Variants in FLT3LG observed in about 807,000 individuals in gnomAD.
The protein encoded by FLT3LG is fms-related tyrosine kinase 3 ligand.
A neutral mutation model predicts 30.9 loss-of-function variants in FLT3LG; 8 were observed. That is an observed-to-expected ratio of 0.26 (90% CI 0.15 to 0.47). The LOEUF is 0.47. Among genes scored for constraint, FLT3LG ranks in the 20% least tolerant of loss-of-function variants. The pLI is 0.99. For missense variants in FLT3LG, 278 were observed against 306.2 expected, an observed-to-expected ratio of 0.91 and a Z score of 0.69; for synonymous variants, 123 against 135.9, an observed-to-expected ratio of 0.91 and a Z score of 0.66.
At chr19:49,484,600 G>A (rs1307853170) in intron 8 of FLT3LG, among the ~76,000 whole-genome samples, 2 of 151,868 alleles carry the variant, frequency 1.3e-5, no homozygotes, top group East Asian at 3.9e-4. Flanking sequence ...GGGTTCAAGC[G>A]ATTCTACTGC....
At position 49,476,326 on chromosome 19, in the gene FLT3LG, C is replaced by A; in HGVS notation, c.199-97C>A. 6.8e-7 allele frequency: 1 copy of A among 1,477,024 alleles called. No homozygotes were observed. The highest frequency in any genetic ancestry group is 9.4e-7 in the Non-Finnish European group (1 of 1,066,256). The allele number at this position is 1,477,024 out of a possible 1,614,324, so 91.5% of individuals were successfully genotyped here. On this transcript the variant is annotated intron_variant, in intron 4 of 8. Transcript: ENST00000597551. This position sits in a 1 kb window ranked among gnomAD's most constrained non-coding sequence, Gnocchi z 5.3. ...GGAATCAGAGTCCTCAGCCCCTCCT[C>A]CCTCAGACCCAGGAGCCCCGGCCCA...
At chr19:49,480,797 C>T (rs996673662) in intron 8 of FLT3LG, 177 bp downstream of exon 8, 23 of 629,256 alleles carry the variant, frequency 3.7e-5, no homozygotes, top group Non-Finnish European at 4.9e-5. Flanking sequence ...TTTGGGAGGC[C>T]GAGGCGGGTG....
chr19:49,483,405 G>A (rs535720277), intron 8 of FLT3LG, among the ~76,000 whole-genome samples: 29 of 152,070 alleles, frequency 1.9e-4, no homozygotes, highest in Non-Finnish European at 3.4e-4. Flanking sequence ...GTAAGCCACC[G>A]CGCCCAGCCC....
In FLT3LG at chr19:49,480,315, C is replaced by A. The variant is rs2079556976; in HGVS notation, c.499C>A (p.Pro167Thr). 6.2e-7 allele frequency: 1 copy of A among 1,603,636 alleles called. No homozygotes were observed. Among genetic ancestry groups the A allele is most frequent in the Non-Finnish European group, 8.5e-7 (1 of 1,173,620 alleles). Residue 167 changes from proline to threonine, a missense_variant, in exon 7 of 9, where the codon CCC (proline) becomes ACC (threonine). Transcript: ENST00000597551. ...QCQPDSSTLP[P>T]PWSPRPLEAT... Reference sequence around the variant, plus strand: ...CTCCCCAGACTCCTCAACCCTGCCACCCCCATGGAGTCCCCGGCCCCTGGA... The same window carrying A: ...CTCCCCAGACTCCTCAACCCTGCCAACCCCATGGAGTCCCCGGCCCCTGGA...
At chr19:49,475,923 CG>C in intron 3 of FLT3LG, 122 bp downstream of exon 3, 1 of 1,056,518 alleles carries the variant, frequency 9.5e-7, no homozygotes, top group East Asian at 2.4e-5. Context: ...TGGGCTCAAG[CG>C]ATCCTCCCAC....
chr19:49,476,828 A>G lies in FLT3LG; in HGVS notation c.342+262A>G. On this transcript the variant is annotated intron_variant, in intron 5 of 8. Coordinates refer to ENST00000597551, the MANE Select transcript of FLT3LG (RefSeq NM_001459.4). The surrounding 1 kb of genome is among the most constrained non-coding windows in gnomAD (Gnocchi z 5.3). Reference sequence around the variant, plus strand: ...TGCCACTGAGGGGTTCTTCCCCCAAAAAAAAACAGGGAGAGAAGGGGTCTC... The same window carrying G: ...TGCCACTGAGGGGTTCTTCCCCCAAGAAAAAACAGGGAGAGAAGGGGTCTC... 2.3e-6 allele frequency: 1 copy of G among 436,682 alleles called. No individual in the cohort carries two copies. The allele number at this position is 436,682 out of a possible 1,614,324, so 27.1% of individuals were successfully genotyped here.
At chr19:49,485,817 G>A (rs1349180732) in intron 8 of FLT3LG, 198 bp from the exon 9 acceptor site, 1 of 152,190 alleles carries the variant, frequency 6.6e-6, no homozygotes, top group East Asian at 1.9e-4. Context: ...CGCGCCCGGG[G>A]AAATATAGGG....
chr19:49,484,897 C>G (rs1030698181), intron 8 of FLT3LG, among the ~76,000 whole-genome samples: 10 of 152,020 alleles, frequency 6.6e-5, no homozygotes, highest in Non-Finnish European at 1.5e-4. Flanking sequence ...CCAGCTTGGG[C>G]AACATGGTGA....
At chr19:49,482,818 A>C (rs999848998) in intron 8 of FLT3LG, among the ~76,000 whole-genome samples, 1 of 150,898 alleles carries the variant, frequency 6.6e-6, no homozygotes, top group Non-Finnish European at 1.5e-5. Context: ...TAGTAGAGAC[A>C]AGGTTTCACC....
intron 6 of FLT3LG, among the ~76,000 whole-genome samples, chr19:49,479,414 C>T (rs1203044513): frequency 6.6e-6 from 1 of 150,942 alleles, no homozygotes; most frequent in Non-Finnish European, 1.5e-5. Flanking sequence ...CCAGGATGGT[C>T]TCGATCTCCT....
In FLT3LG at chr19:49,476,685, C is replaced by T. The variant is rs748551826; in HGVS notation, c.342+119C>T. The T allele has an allele frequency of 2.1e-5, 28 of 1,317,388 alleles. No homozygotes were observed. Among genetic ancestry groups the T allele is most frequent in the Admixed American group, 4.3e-5 (2 of 46,542 alleles). 81.6% of individuals were successfully genotyped at this position (1,317,388 alleles called of 1,614,324 possible). A position where few individuals can be genotyped will look rare whatever the true frequency, so the allele number is the denominator to read the frequency against. On this transcript the variant is annotated intron_variant, in intron 5 of 8. Transcript: ENST00000597551. The surrounding 1 kb of genome is among the most constrained non-coding windows in gnomAD (Gnocchi z 5.3). The stretch of plus-strand genomic sequence containing the variant: ...CCATAGCCACCCAACGAAGGTAGAG[C>T]GAGAAGCGCCACCCTGCAGAGCCCT...
chr19:49,478,902 C>T lies in FLT3LG; in HGVS notation c.343-7C>T. On this transcript the variant is annotated splice_region_variant and splice_polypyrimidine_tract_variant and intron_variant, in intron 5 of 8. Coordinates refer to ENST00000597551, the MANE Select transcript of FLT3LG (RefSeq NM_001459.4). ...GTGGTGGTGACGTCTCCCTCCCCTG[C>T]TCCCAGCCCCCCCCCAGCTGTCTTC... 2.6e-6 allele frequency: 4 copies of T among 1,522,742 alleles called. No homozygotes were observed. Among genetic ancestry groups the T allele is most frequent in the Middle Eastern group, 2.0e-4 (1 of 5,054 alleles). 94.3% of individuals were successfully genotyped at this position (1,522,742 alleles called of 1,614,324 possible). A position where few individuals can be genotyped will look rare whatever the true frequency, so the allele number is the denominator to read the frequency against.
chr19:49,483,250 C>T (rs545160888), intron 8 of FLT3LG, among the ~76,000 whole-genome samples: 24 of 151,972 alleles, frequency 1.6e-4, no homozygotes, highest in African/African-American at 5.5e-4. Context: ...CTCAGCCTCC[C>T]GAGTACCTGG....
chr19:49,476,397 T>G lies in FLT3LG; in HGVS notation c.199-26T>G. ...AGCAGCCCCGTGCCCAGCTCCTCCC[T>G]CAGACCCGTGGGTTCTCCCCTCTAG... On this transcript the variant is annotated intron_variant, in intron 4 of 8. Coordinates refer to ENST00000597551, the MANE Select transcript of FLT3LG (RefSeq NM_001459.4). This position sits in a 1 kb window ranked among gnomAD's most constrained non-coding sequence, Gnocchi z 5.3. The G allele has an allele frequency of 6.2e-7, 1 of 1,602,526 alleles. No homozygotes were observed. The highest frequency in any genetic ancestry group is 8.5e-7 in the Non-Finnish European group (1 of 1,174,192).
At chr19:49,479,862 T>G in intron 6 of FLT3LG, 1 of 156,934 alleles carries the variant, frequency 6.4e-6, no homozygotes, top group South Asian at 1.6e-4. Flanking sequence ...TGGAGTGCAG[T>G]GGCGCAATCT....
chr19:49,479,135 T>G, intron 6 of FLT3LG, 88 bp downstream of exon 6: 1 of 1,187,576 alleles, frequency 8.4e-7, no homozygotes. Flanking sequence ...GACCCCATCT[T>G]TCTCATATTG....
intron 2 of FLT3LG, among the ~76,000 whole-genome samples, chr19:49,475,107 G>A (rs1320249215): frequency 2.3e-4 from 24 of 104,824 alleles, no homozygotes; most frequent in Non-Finnish European, 4.4e-4. Flanking sequence ...ATGGACAGAG[G>A]AGAGGGGAGA....
At position 49,475,983 on chromosome 19, in the gene FLT3LG, G is replaced by C; in HGVS notation, c.145-162G>C. The C allele has an allele frequency of 5.0e-6, 5 of 993,236 alleles. No individual in the cohort carries two copies. In the South Asian group the frequency reaches 6.9e-5, roughly 14 times the overall value. 61.5% of individuals were successfully genotyped at this position (993,236 alleles called of 1,614,324 possible). ...TTACAGGCGTGAGCCACTGTGCTTA[G>C]GGGTGTCATCCCTTTTTAAGGGCAA... On this transcript the variant is annotated intron_variant, in intron 3 of 8. Transcript: ENST00000597551.
Position 49,480,204 on chromosome 19 carries a change from A to G in FLT3LG, c.482-94A>G, listed in dbSNP as rs147977836. 5,810 of 904,302 alleles carry G rather than the reference A, an allele frequency of 6.4e-3. 40 individuals are homozygous for G. The highest frequency in any genetic ancestry group is 6.4e-3 in the Non-Finnish European group (3,771 of 592,740). 56.0% of individuals were successfully genotyped at this position (904,302 alleles called of 1,614,324 possible). On this transcript the variant is annotated intron_variant, in intron 6 of 8. Coordinates refer to ENST00000597551, the MANE Select transcript of FLT3LG (RefSeq NM_001459.4). ...GAGGCACAGAGAGGCCAAGCAGCCC[A>G]TCCAAGGTCACACAGCCAGTGGCAG...
Sources: allele counts gnomAD v4.1 joint callset (sites outside exome capture counted in the v4.1 genomes callset), GRCh38; gene constraint gnomAD v4.1.1; non-coding constraint Gnocchi (gnomAD v3.1); transcripts MANE v1.5; gene names NCBI Gene and HGNC (gene_info 2026-07-23, HGNC 2026-07-21).